Variants in TRIM9 observed in about 807,000 individuals in gnomAD.
TRIM9 encodes the protein E3 ubiquitin-protein ligase TRIM9.
In TRIM9, 26 loss-of-function variants were observed where a neutral mutation model predicts 78.3. The observed-to-expected ratio is 0.33, with a 90% CI of 0.24 to 0.46. TRIM9 has a LOEUF of 0.46. TRIM9 is among the 20% of genes least tolerant of loss of function. TRIM9 has a pLI of 1.00. For synonymous variants in TRIM9, 398 were observed against 416.5 expected (o/e 0.96, Z 0.54); for missense variants, 787 against 1,036.4 (o/e 0.76, Z 3.30).
intron 1 of TRIM9, among the ~76,000 whole-genome samples, chr14:51,071,802 C>T (rs1445433498): frequency 1.3e-5 from 2 of 152,036 alleles, no homozygotes; most frequent in African/African-American, 2.4e-5. Flanking sequence ...TGAGCCCTGT[C>T]TCAAAAAATA....
rs2052004719 is a variant in TRIM9, at chr14:50,982,123, A to T, written c.1859-20T>A. 1.2e-6 allele frequency: 2 copies of T among 1,612,218 alleles called. No individual in the cohort carries two copies. Among genetic ancestry groups the T allele is most frequent in the Non-Finnish European group, 1.7e-6 (2 of 1,178,654 alleles). ...AGGCCACTGGGAACAACAGAAGGGAATCAGGTTATTAAGACAGACCCAACA... is the reference window on the plus strand; with the variant it reads ...AGGCCACTGGGAACAACAGAAGGGATTCAGGTTATTAAGACAGACCCAACA... On this transcript the variant is annotated intron_variant, in intron 10 of 12. Transcript: ENST00000684578.
Position 50,996,485 on chromosome 14 carries a change from T to C in TRIM9, c.1603+1565A>G, listed in dbSNP as rs1004963414. ...AGAATAGTATGATTCCCATGATGTA[T>C]TATGAATAGAAATAGTTTTCCCGCA... On this transcript the variant is annotated intron_variant, in intron 7 of 12. Coordinates refer to ENST00000684578, the MANE Select transcript of TRIM9 (RefSeq NM_001387360.1). 3 of 985,330 alleles carry C rather than the reference T, an allele frequency of 3.0e-6. No homozygotes were observed. The African/African-American group carries it at 5.2e-5, about 17-fold the overall frequency. The allele number at this position is 985,330 out of a possible 1,614,324, so 61.0% of individuals were successfully genotyped here.
intron 2 of TRIM9, among the ~76,000 whole-genome samples, chr14:51,024,979 G>T (rs554142464): frequency 3.0e-4 from 46 of 152,244 alleles, no homozygotes; most frequent in African/African-American, 1.1e-3. Context: ...AAAAAAATAG[G>T]CCTCTTTCTG....
At chr14:50,990,777 A>G (rs1374626940) in intron 7 of TRIM9, among the ~76,000 whole-genome samples, 1 of 152,234 alleles carries the variant, frequency 6.6e-6, no homozygotes, top group African/African-American at 2.4e-5. Context: ...ACGGTAAGGC[A>G]AGACATGTCA....
intron 1 of TRIM9, among the ~76,000 whole-genome samples, chr14:51,029,350 G>C (rs139999790): frequency 2.6e-5 from 4 of 152,242 alleles, no homozygotes; most frequent in African/African-American, 9.6e-5. Context: ...CCCCGGGCGT[G>C]GGGCACCTTC....
intron 1 of TRIM9, among the ~76,000 whole-genome samples, chr14:51,054,075 T>G (rs2140104660): frequency 6.6e-6 from 1 of 152,312 alleles, no homozygotes; most frequent in Middle Eastern, 3.4e-3. Context: ...TTAATCTTTC[T>G]TTAGAAATCA....
intron 7 of TRIM9, among the ~76,000 whole-genome samples, chr14:50,994,754 A>T (rs1053865023): frequency 4.6e-5 from 7 of 152,242 alleles, no homozygotes; most frequent in African/African-American, 1.7e-4. Context: ...GATGGTTTCA[A>T]AGACTGGCAC....
chr14:51,035,582 T>C (rs144809598), intron 1 of TRIM9, among the ~76,000 whole-genome samples: 1 of 152,386 alleles, frequency 6.6e-6, no homozygotes, highest in African/African-American at 2.4e-5. Flanking sequence ...ATCTTAAAAC[T>C]GTTCCCTGGT....
rs966643751 is a variant in TRIM9 at position 50,977,096 on chromosome 14, A to G, written c.*195T>C. The G allele has an allele frequency of 2.6e-6, 1 of 386,922 alleles. No individual in the cohort carries two copies. Among genetic ancestry groups the G allele is most frequent in the Admixed American group, 4.5e-5 (1 of 22,186 alleles). The allele number at this position is 386,922 out of a possible 1,614,324, so 24.0% of individuals were successfully genotyped here. ...AATTGTTGGACATGGAAGCGGAAGCAGGCATGACAGCGGAGGAGAGGTTGA... is the reference window on the plus strand; with the variant it reads ...AATTGTTGGACATGGAAGCGGAAGCGGGCATGACAGCGGAGGAGAGGTTGA... On this transcript the variant is annotated 3_prime_UTR_variant, in exon 13 of 13. Transcript: ENST00000684578.
chr14:51,025,292 C>T lies in TRIM9; in HGVS notation c.891G>A (p.Gln297=), dbSNP rs201255051. The T allele has an allele frequency of 2.8e-5, 45 of 1,614,194 alleles. 1 individual carries two copies. The African/African-American group carries it at 5.9e-4, about 21-fold the overall frequency. ...RAKEAKEFLV[Q]LRNMVQQIQE... ...GGATCTGCTGGACCATGTTGCGCAGCTGTACCAGAAACTCCTTGGCTTCTT... is the reference window on the plus strand; with the variant it reads ...GGATCTGCTGGACCATGTTGCGCAGTTGTACCAGAAACTCCTTGGCTTCTT... The change falls in exon 2 of 13, where the codon CAG becomes CAA. Residue 297 remains glutamine, a synonymous_variant. Transcript: ENST00000684578.
rs142721000 is a variant in TRIM9, at chr14:50,991,329, C to T, written c.1604-5185G>A. On this transcript the variant is annotated intron_variant, in intron 7 of 12. Transcript: ENST00000684578. ...GCAAGAAATTCCCTGGGATATCATG[C>T]ATGTGTCAAAATTTAAAAGAACAAA... 3.9e-5 allele frequency among the ~76,000 whole-genome samples: 6 copies of T among 152,290 alleles called. No individual in the cohort carries two copies. The East Asian group carries it at 9.7e-4, about 25-fold the overall frequency.
chr14:51,000,399 C>T (rs756237632), intron 6 of TRIM9, among the ~76,000 whole-genome samples: 1 of 152,168 alleles, frequency 6.6e-6, no homozygotes, highest in Non-Finnish European at 1.5e-5. Flanking sequence ...GATAATTAGG[C>T]ATTGTCCACA....
chr14:51,016,034 T>TG (rs971667669), intron 3 of TRIM9, among the ~76,000 whole-genome samples: 1 of 152,190 alleles, frequency 6.6e-6, no homozygotes, highest in African/African-American at 2.4e-5. Context: ...TCAGTATCTG[T>TG]GGGGGATTGA....
rs773099404 is a variant in TRIM9, at chr14:50,981,803, T to C, written c.2159A>G (p.Asn720Ser). 3.1e-6 allele frequency: 5 copies of C among 1,613,960 alleles called. No homozygotes were observed. In the African/African-American group the frequency reaches 4.0e-5, roughly 13 times the overall value. The change falls in exon 11 of 13, where the codon AAC (asparagine) becomes AGC (serine). Residue 720 changes from asparagine to serine, a missense_variant. Physicochemically the swap from Asn to Ser is conservative, Grantham distance 46. This residue lies in a region of TRIM9 where 421 missense variants were observed against 514.3 expected (regional missense o/e 0.82). Coordinates refer to ENST00000684578, the MANE Select transcript of TRIM9 (RefSeq NM_001387360.1). ...TGGTTTGGGGGCTGCAGGGTACCTG[T>C]TGGTGTGCGAGTTGTTGTGCATGAA... is the stretch of plus-strand genomic sequence containing the variant. ...SWFMHNNSHT[N>S]RTEGGITKGA...
At chr14:51,031,143 T>C (rs1471192278) in intron 1 of TRIM9, among the ~76,000 whole-genome samples, 1 of 80,638 alleles carries the variant, frequency 1.2e-5, no homozygotes, top group East Asian at 3.7e-4. Context: ...AATGAAACTC[T>C]TTCCAAAAAA....
rs569710701 is a variant in TRIM9 at position 51,057,151 on chromosome 14, C to T, written c.823-31791G>A. ...AGCTCTCCAATTCTTATTTTCATCA[C>T]CCTAAAACCCCACAATTCTTTGGTA... On this transcript the variant is annotated intron_variant, in intron 1 of 12. Transcript: ENST00000684578. Among the ~76,000 whole-genome samples, 4 of 152,296 alleles carry T rather than the reference C, an allele frequency of 2.6e-5. No individual in the cohort carries two copies. In the South Asian group the frequency reaches 6.2e-4, roughly 24 times the overall value.
At chr14:50,984,964 C>T (rs1463831393) in intron 8 of TRIM9, among the ~76,000 whole-genome samples, 1 of 152,116 alleles carries the variant, frequency 6.6e-6, no homozygotes, top group Non-Finnish European at 1.5e-5. Flanking sequence ...GCTTGAAGTC[C>T]CTGCATCCTT....
intron 5 of TRIM9, among the ~76,000 whole-genome samples, chr14:51,003,728 G>C (rs1352256282): frequency 6.6e-6 from 1 of 151,836 alleles, no homozygotes; most frequent in African/African-American, 2.4e-5. Flanking sequence ...TGGACAAAAA[G>C]TCAAAGGGAG....
chr14:51,088,505 C>T (rs1254716826), intron 1 of TRIM9, among the ~76,000 whole-genome samples: 2 of 152,184 alleles, frequency 1.3e-5, no homozygotes, highest in Non-Finnish European at 2.9e-5. Flanking sequence ...TTGTGGAGTG[C>T]TCATACATAT....
Sources: gnomAD v4.1 joint callset for allele counts (sites outside exome capture counted in the v4.1 genomes callset) on GRCh38, gnomAD v4.1.1 for gene constraint, gnomAD v4.1.1 regional missense constraint, MANE v1.5 for transcripts, NCBI Gene and HGNC (gene_info 2026-07-23, HGNC 2026-07-21) for gene names.